WDPCP: variants seen among roughly 807,000 people sequenced by gnomAD.
WDPCP encodes WD repeat containing planar cell polarity effector, also known as WD repeat-containing and planar cell polarity effector protein fritz homolog.
WDPCP carries 71 observed loss-of-function variants against 93.1 expected under a neutral mutation model. The observed-to-expected ratio is 0.76, with a 90% CI of 0.63 to 0.93. WDPCP has a LOEUF of 0.93. Ranked by LOEUF, WDPCP falls within the 40% of genes least tolerant of loss-of-function variation. The pLI, the probability that WDPCP is intolerant of heterozygous loss-of-function variation, is 0.00. For synonymous variants in WDPCP, 315 were observed against 315.0 expected, an observed-to-expected ratio of 1.00 and a Z score of 0.00; for missense variants, 844 against 887.4, an observed-to-expected ratio of 0.95 and a Z score of 0.62.
rs192101255 is a variant in WDPCP at position 63,688,155 on chromosome 2, G to A, written n.309-37317C>T. Among the ~76,000 whole-genome samples the A allele has an allele frequency of 2.5e-3, 387 of 152,244 alleles. 3 individuals carry two copies. Among genetic ancestry groups the A allele is most frequent in the African/African-American group, 8.7e-3 (361 of 41,544 alleles). The stretch of plus-strand genomic sequence containing the variant: ...AAAGTTAAAACGATTGGCCTGGCGC[G>A]GTGGCTCACGCCTGTAATCCTAGCA... On this transcript the variant is annotated intron_variant and non_coding_transcript_variant, in intron 2 of 4. Transcript: ENST00000467687.
intron 13 of WDPCP, among the ~76,000 whole-genome samples, chr2:63,282,291 G>C (rs1232328063): frequency 6.6e-6 from 1 of 152,198 alleles, no homozygotes; most frequent in Non-Finnish European, 1.5e-5. Context: ...TGGATCATGA[G>C]GTTAGGAGTT....
At chr2:63,217,805 C>T (rs1010399735) in intron 14 of WDPCP, among the ~76,000 whole-genome samples, 4 of 152,114 alleles carry the variant, frequency 2.6e-5, no homozygotes, top group African/African-American at 7.2e-5. Flanking sequence ...CTTTAAACAT[C>T]GACTTACAGG....
chr2:63,321,953 A>G (rs1264169568), intron 12 of WDPCP, among the ~76,000 whole-genome samples: 1 of 152,184 alleles, frequency 6.6e-6, no homozygotes, highest in Admixed American at 6.5e-5. Context: ...TACATATTTA[A>G]TGTATACAAC....
At chr2:63,492,988 TGC>T in intron 1 of WDPCP, 48 bp from the exon 2 acceptor site, 1 of 1,525,432 alleles carries the variant, frequency 6.6e-7, no homozygotes. Context: ...TATCTTCTAT[TGC>T]CAATAAAACC....
At chr2:63,279,983 C>T (rs1354597518) in intron 13 of WDPCP, among the ~76,000 whole-genome samples, 1 of 152,102 alleles carries the variant, frequency 6.6e-6, no homozygotes, top group Non-Finnish European at 1.5e-5. Context: ...TAATAGACAA[C>T]ACAAATAAAT....
chr2:63,621,395 C>G (rs954406179), intron 3 of WDPCP, among the ~76,000 whole-genome samples: 1 of 151,374 alleles, frequency 6.6e-6, no homozygotes, highest in African/African-American at 2.4e-5. Flanking sequence ...TATCAATAGC[C>G]GAATTGATCA....
chr2:63,511,561 T>C (rs1200365318), intron 1 of WDPCP, among the ~76,000 whole-genome samples: 2 of 152,146 alleles, frequency 1.3e-5, no homozygotes, highest in Non-Finnish European at 2.9e-5. Context: ...TATAGACCTA[T>C]GGAACAGAAC....
At chr2:63,426,869 G>A (rs1378042009) in intron 9 of WDPCP, among the ~76,000 whole-genome samples, 1 of 152,110 alleles carries the variant, frequency 6.6e-6, no homozygotes, top group African/African-American at 2.4e-5. Flanking sequence ...AAAGATCTAT[G>A]AAAGGGGAAA....
chr2:63,579,925 T>C (rs1365597827), intron 1 of WDPCP, among the ~76,000 whole-genome samples: 2 of 152,184 alleles, frequency 1.3e-5, no homozygotes, highest in East Asian at 3.9e-4. Flanking sequence ...AACTGGTTAA[T>C]GTTGCTATCA....
intron 2 of WDPCP, among the ~76,000 whole-genome samples, chr2:63,674,866 T>A (rs544019271): frequency 2.6e-5 from 4 of 152,340 alleles, no homozygotes; most frequent in Non-Finnish European, 5.9e-5. Context: ...AAAATGTAGT[T>A]CCTTGTAAGT....
chr2:63,375,564 T>G (rs1575266330), intron 12 of WDPCP, among the ~76,000 whole-genome samples: 1 of 151,922 alleles, frequency 6.6e-6, no homozygotes, highest in South Asian at 2.1e-4. Flanking sequence ...GAGAAGTGAA[T>G]TTTAAAGTTT....
intron 2 of WDPCP, among the ~76,000 whole-genome samples, chr2:63,765,520 G>T (rs749289168): frequency 6.6e-6 from 1 of 152,162 alleles, no homozygotes; most frequent in Non-Finnish European, 1.5e-5. Flanking sequence ...ATTGAACTGG[G>T]GCCTTGAGGG....
At chr2:63,146,820 G>C (rs1671547480) in intron 17 of WDPCP, among the ~76,000 whole-genome samples, 1 of 152,208 alleles carries the variant, frequency 6.6e-6, no homozygotes, top group Non-Finnish European at 1.5e-5. Context: ...GATTGATAAA[G>C]GGACAGGTTA....
intron 17 of WDPCP, among the ~76,000 whole-genome samples, chr2:63,143,890 C>G (rs956405208): frequency 3.3e-5 from 5 of 152,160 alleles, no homozygotes; most frequent in Non-Finnish European, 5.9e-5. Context: ...TTTGTCTTAA[C>G]TTTGGATAAC....
chr2:63,220,948 T>C (rs543274191), intron 14 of WDPCP, among the ~76,000 whole-genome samples: 87 of 152,262 alleles, frequency 5.7e-4, no homozygotes, highest in African/African-American at 2.0e-3. Context: ...AGTGACAACA[T>C]GTAGTATTTG....
chr2:63,670,050 T>C (rs944613308), intron 2 of WDPCP, among the ~76,000 whole-genome samples: 6 of 152,228 alleles, frequency 3.9e-5, no homozygotes, highest in African/African-American at 1.2e-4. Flanking sequence ...TAATAATTGT[T>C]AGGTATTATT....
rs371419529 is a variant in WDPCP, at chr2:63,458,116, C to T, written c.385-18245G>A. On this transcript the variant is annotated intron_variant, in intron 6 of 17. Coordinates refer to ENST00000272321, the MANE Select transcript of WDPCP (RefSeq NM_015910.7). ...TCCAGCCTGGCGACAGTGTGAGACT[C>T]CGTCTCAAAAAAAAAAAAAAGAAAA... Among the ~76,000 whole-genome samples the T allele has an allele frequency of 3.6e-3, 536 of 148,226 alleles. 4 individuals are homozygous for T. Among genetic ancestry groups the T allele is most frequent in the African/African-American group, 0.013 (505 of 40,034 alleles).
intron 14 of WDPCP, chr2:63,233,668 C>T (rs927702855): frequency 1.3e-5 from 2 of 153,828 alleles, no homozygotes; most frequent in African/African-American, 4.8e-5. Flanking sequence ...TGGCAACCAC[C>T]AGCACATCAA....
intron 2 of WDPCP, among the ~76,000 whole-genome samples, chr2:63,722,755 G>A (rs1347040316): frequency 2.6e-5 from 4 of 151,742 alleles, no homozygotes; most frequent in African/African-American, 9.7e-5. Flanking sequence ...GACCCCCTCT[G>A]CCCGGCCAGC....
Sources: allele counts gnomAD v4.1 joint callset (sites outside exome capture counted in the v4.1 genomes callset), GRCh38; gene constraint gnomAD v4.1.1; transcripts MANE v1.5; gene names NCBI Gene and HGNC (gene_info 2026-07-23, HGNC 2026-07-21).